MAD2L2: variants seen among roughly 807,000 people sequenced by gnomAD.
MAD2L2 encodes mitotic spindle assembly checkpoint protein MAD2B.
A neutral mutation model predicts 30.5 loss-of-function variants in MAD2L2; 17 were observed. The observed-to-expected ratio is 0.56, with a 90% CI of 0.38 to 0.84. The LOEUF is 0.84. MAD2L2 is among the 40% of genes least tolerant of loss of function. The pLI, the probability that MAD2L2 is intolerant of heterozygous loss-of-function variation, is 0.00. For synonymous variants in MAD2L2, 101 were observed against 113.9 expected (o/e 0.89, Z 0.72); for missense variants, 213 against 277.4 (o/e 0.77, Z 1.65).
intron 4 of MAD2L2, 131 bp downstream of exon 4, chr1:11,677,412 G>T (rs573294900): frequency 2.0e-5 from 18 of 889,418 alleles, no homozygotes; most frequent in East Asian, 2.0e-4. Flanking sequence ...CAGGGAACAG[G>T]CTTCTGGGTA....
intron 5 of MAD2L2, among the ~76,000 whole-genome samples, chr1:11,676,501 G>A (rs982736193): frequency 6.6e-6 from 1 of 152,170 alleles, no homozygotes; most frequent in African/African-American, 2.4e-5. Flanking sequence ...GGGACAGGTT[G>A]GTGCCAGATT....
chr1:11,679,095 T>C (rs7545621), intron 3 of MAD2L2, among the ~76,000 whole-genome samples: 24,115 of 151,858 alleles, frequency 0.16, 2,415 homozygotes, highest in Admixed American at 0.22. Flanking sequence ...ACCCAGGAGG[T>C]GGAGGTTGCA....
intron 1 of MAD2L2, among the ~76,000 whole-genome samples, chr1:11,686,807 T>TAAAAAA (rs560855200): frequency 9.6e-6 from 1 of 104,488 alleles, no homozygotes. Context: ...ACTGCCACTT[T>TAAAAAA]AAAAAAAAAA....
upstream of MAD2L2, among the ~76,000 whole-genome samples, chr1:11,682,811 CAAA>C (rs1482923905): frequency 6.6e-6 from 1 of 152,000 alleles, no homozygotes; most frequent in African/African-American, 2.4e-5. Context: ...ATCATCCATC[CAAA>C]GGGATGGATG....
In MAD2L2 at chr1:11,674,749, G is replaced by A. The variant is rs768284310; in HGVS notation, c.*26C>T. The A allele has an allele frequency of 6.2e-7, 1 of 1,612,476 alleles. No homozygotes were observed. Reference sequence around the variant, plus strand: ...GATCCCCCAAAGTCTGACAGTTTGGGCATCAGTGGGGTGGCAGGTGCCCCC... The same window carrying A: ...GATCCCCCAAAGTCTGACAGTTTGGACATCAGTGGGGTGGCAGGTGCCCCC... On this transcript the variant is annotated 3_prime_UTR_variant, in exon 9 of 9. Transcript: ENST00000376692. The surrounding 1 kb of genome is among the most constrained non-coding windows in gnomAD (Gnocchi z 6.1).
At chr1:11,682,836 G>A (rs1352427756), upstream of MAD2L2, among the ~76,000 whole-genome samples, 1 of 152,148 alleles carries the variant, frequency 6.6e-6, no homozygotes, top group East Asian at 1.9e-4. Flanking sequence ...TTTTGTTTTA[G>A]GAACTGGTGC....
intron 3 of MAD2L2, among the ~76,000 whole-genome samples, chr1:11,679,649 C>T (rs934610885): frequency 3.3e-5 from 5 of 151,676 alleles, no homozygotes; most frequent in Non-Finnish European, 7.4e-5. Context: ...GCCTCAGCCT[C>T]CCTAGTAACT....
chr1:11,683,969 T>C (rs1640916156), upstream of MAD2L2, among the ~76,000 whole-genome samples: 1 of 151,850 alleles, frequency 6.6e-6, no homozygotes, highest in African/African-American at 2.4e-5. Flanking sequence ...GAGAACTCCA[T>C]CTCAAAAAAA....
upstream of MAD2L2, among the ~76,000 whole-genome samples, chr1:11,683,902 C>T (rs1343961207): frequency 6.6e-6 from 1 of 152,124 alleles, no homozygotes; most frequent in Non-Finnish European, 1.5e-5. Flanking sequence ...ACCCGGGAGG[C>T]GGAGGTTGTG....
chr1:11,691,656 C>T (rs1230249295), upstream of MAD2L2: 16 of 149,308 alleles, frequency 1.1e-4, no homozygotes, highest in Admixed American at 6.0e-4. Context: ...TCCTCTGTCC[C>T]CTCCCCGCGC....
At chr1:11,676,223 A>G (rs934434054) in intron 5 of MAD2L2, 83 bp from the exon 6 acceptor site, 2 of 845,288 alleles carry the variant, frequency 2.4e-6, no homozygotes, top group African/African-American at 3.4e-5. Context: ...GACCTGGGGT[A>G]CAAGACCCCC....
rs1001096536 is a variant in MAD2L2 at position 11,690,459 on chromosome 1, T to C, written c.-692+954A>G. On this transcript the variant is annotated intron_variant, in intron 1 of 10. Transcript: ENST00000235310. The surrounding 1 kb of genome is among the most constrained non-coding windows in gnomAD (Gnocchi z 4.2). ...TTACACAGGGCACTGCATTCACGCC[T>C]AGAACACTGAAATTTAGGTATAATC... 5.9e-5 allele frequency among the ~76,000 whole-genome samples: 9 copies of C among 152,198 alleles called. No homozygotes were observed. Among genetic ancestry groups the C allele is most frequent in the African/African-American group, 2.2e-4 (9 of 41,442 alleles).
chr1:11,690,879 A>G lies in MAD2L2; in HGVS notation c.-692+534T>C, dbSNP rs1641049023. 6.6e-6 allele frequency among the ~76,000 whole-genome samples: 1 copy of G among 152,044 alleles called. No individual in the cohort carries two copies. The highest frequency in any genetic ancestry group is 2.4e-5 in the African/African-American group (1 of 41,384). ...TTGTCCGGGTTGGGCCGGTCTGAGA[A>G]GCTTCAGGCCGGCTTTGGACGGGGC... On this transcript the variant is annotated intron_variant, in intron 1 of 10. Coordinates refer to the MAD2L2 transcript ENST00000235310. The surrounding 1 kb of genome is among the most constrained non-coding windows in gnomAD (Gnocchi z 4.2).
upstream of MAD2L2, among the ~76,000 whole-genome samples, chr1:11,684,289 G>A (rs899394412): frequency 2.6e-5 from 4 of 152,196 alleles, no homozygotes; most frequent in East Asian, 7.7e-4. Context: ...TCAGCATGAT[G>A]GATGGTTGTG....
intron 1 of MAD2L2, 81 bp from the exon 2 acceptor site, chr1:11,680,694 C>T (rs1570290554): frequency 6.7e-7 from 1 of 1,491,156 alleles, no homozygotes; most frequent in African/African-American, 1.4e-5. Context: ...TCTCTTCCCT[C>T]CCCACAGTCT....
At chr1:11,686,524 C>T (rs1210696701) in intron 1 of MAD2L2, among the ~76,000 whole-genome samples, 4 of 152,158 alleles carry the variant, frequency 2.6e-5, no homozygotes, top group Admixed American at 2.6e-4. Flanking sequence ...CTTCAGCCTC[C>T]CAAAGCTCTG....
intron 3 of MAD2L2, among the ~76,000 whole-genome samples, chr1:11,678,006 G>A (rs1487081234): frequency 6.9e-6 from 1 of 144,982 alleles, no homozygotes; most frequent in African/African-American, 2.6e-5. Context: ...GCAGTGAGCC[G>A]AGATCACGCC....
At chr1:11,680,942 A>C in intron 1 of MAD2L2, 97 bp downstream of exon 1, 1 of 307,558 alleles carries the variant, frequency 3.3e-6, no homozygotes. Flanking sequence ...AAAGCGGGAC[A>C]TGCGGAAAGC....
intron 4 of MAD2L2, 90 bp downstream of exon 4, chr1:11,677,453 G>T: frequency 1.6e-6 from 2 of 1,279,282 alleles, no homozygotes; most frequent in Non-Finnish European, 2.3e-6. Context: ...CAGAGTCCTA[G>T]CTTCACCCCA....
Sources: allele counts gnomAD v4.1 joint callset (sites outside exome capture counted in the v4.1 genomes callset), GRCh38; gene constraint gnomAD v4.1.1; non-coding constraint Gnocchi (gnomAD v3.1); transcripts MANE v1.5; gene names NCBI Gene and HGNC (gene_info 2026-07-23, HGNC 2026-07-21).